Variants in PDGFRL observed in about 807,000 individuals in gnomAD.
PDGFRL encodes the protein platelet-derived growth factor receptor-like protein.
A neutral mutation model predicts 37.2 loss-of-function variants in PDGFRL; 46 were observed. The observed-to-expected ratio is 1.24, with a 90% CI of 0.98 to 1.58. The LOEUF (loss-of-function observed/expected upper bound fraction) is 1.58. Ranked by LOEUF, PDGFRL falls within the 40% of genes most tolerant of loss-of-function variation. The probability of loss-of-function intolerance (pLI) is 0.00; values close to 1 mark genes in which losing one functional copy is unlikely to be tolerated. For synonymous variants in PDGFRL, 251 were observed against 184.3 expected (o/e 1.36, Z -2.93); for missense variants, 692 against 467.6 (o/e 1.48, Z -4.43).
intron 2 of PDGFRL, among the ~76,000 whole-genome samples, chr8:17,616,824 T>C (rs1804539635): frequency 6.6e-6 from 1 of 152,166 alleles, no homozygotes; most frequent in Admixed American, 6.5e-5. Flanking sequence ...TATGTGTGGG[T>C]ATAATACCAA....
rs760716440 is a variant in PDGFRL, at chr8:17,628,667, G to A, written c.686G>A (p.Arg229Gln). ...ACGGACATTGTTTATGACATGAAGC[G>A]GGGCTTTGTGTATCTGCAACCTCAT... ...NGTDIVYDMK[R>Q]GFVYLQPHSE... Residue 229 changes from arginine to glutamine, a missense_variant, in exon 4 of 6, where the codon CGG becomes CAG. Transcript: ENST00000251630. The A allele has an allele frequency of 2.5e-6, 4 of 1,613,920 alleles. No homozygotes were observed. Among genetic ancestry groups the A allele is most frequent in the South Asian group, 2.2e-5 (2 of 91,078 alleles).
chr8:17,640,503 T>C (rs1465157737), intron 5 of PDGFRL, among the ~76,000 whole-genome samples: 1 of 152,174 alleles, frequency 6.6e-6, no homozygotes, highest in Non-Finnish European at 1.5e-5. Flanking sequence ...CCTTCCCCTA[T>C]GTGTGTGGCT....
intron 2 of PDGFRL, among the ~76,000 whole-genome samples, chr8:17,603,332 T>G (rs2588130): frequency 0.17 from 25,888 of 152,184 alleles, 2,243 homozygotes; most frequent in South Asian, 0.24. Flanking sequence ...TGTAAGTGTA[T>G]GTACCCACAC....
chr8:17,642,572 T>G (rs751649998), intron 5 of PDGFRL, 41 bp from the exon 6 acceptor site: 1 of 1,264,178 alleles, frequency 7.9e-7, no homozygotes, highest in South Asian at 1.2e-5. Context: ...TTATAGCAGC[T>G]TGTCCCTCTT....
chr8:17,627,985 CTTTCTTTTTT>C (rs1804767378), intron 3 of PDGFRL, among the ~76,000 whole-genome samples: 1 of 124,012 alleles, frequency 8.1e-6, no homozygotes, highest in Admixed American at 8.3e-5. Flanking sequence ...TGTTTTCTTT[CTTTCTTTTTT>C]TTTTTTTTTT....
At position 17,633,952 on chromosome 8, in the gene PDGFRL, G is replaced by C. The variant is rs956059683; in HGVS notation, c.800-122G>C. 4.1e-6 allele frequency: 4 copies of C among 978,486 alleles called. No homozygotes were observed. The African/African-American group carries it at 6.4e-5, about 16-fold the overall frequency. The allele number at this position is 978,486 out of a possible 1,614,324, so 60.6% of individuals were successfully genotyped here. ...GTGGGCTCACACTGTCCTCGCACTGGTCAGGGAGCTGTGAGAAAGGCAGAA... is the reference window on the plus strand; with the variant it reads ...GTGGGCTCACACTGTCCTCGCACTGCTCAGGGAGCTGTGAGAAAGGCAGAA... On this transcript the variant is annotated intron_variant, in intron 4 of 5. Coordinates refer to ENST00000251630, the MANE Select transcript of PDGFRL (RefSeq NM_001372073.1).
At chr8:17,586,963 C>T (rs565115971) in intron 1 of PDGFRL, among the ~76,000 whole-genome samples, 7 of 152,278 alleles carry the variant, frequency 4.6e-5, no homozygotes, top group African/African-American at 1.2e-4. Flanking sequence ...TGGTAATGGA[C>T]GTTCACTTAT....
chr8:17,638,459 T>G (rs1196764171), intron 5 of PDGFRL, among the ~76,000 whole-genome samples: 1 of 151,968 alleles, frequency 6.6e-6, no homozygotes, highest in African/African-American at 2.4e-5. Context: ...GTTTTGTGGC[T>G]TATGATATGG....
intron 1 of PDGFRL, among the ~76,000 whole-genome samples, chr8:17,584,387 G>C (rs1185609394): frequency 6.6e-6 from 1 of 152,138 alleles, no homozygotes; most frequent in South Asian, 2.1e-4. Flanking sequence ...TTTAGATCTG[G>C]AGTGTAGAGG....
At chr8:17,592,637 T>C (rs1027315587) in intron 2 of PDGFRL, among the ~76,000 whole-genome samples, 1 of 152,186 alleles carries the variant, frequency 6.6e-6, no homozygotes, top group African/African-American at 2.4e-5. Flanking sequence ...GAGTTTGCTC[T>C]TTCATAGCCA....
At chr8:17,638,499 T>C (rs1166640050) in intron 5 of PDGFRL, among the ~76,000 whole-genome samples, 1 of 151,888 alleles carries the variant, frequency 6.6e-6, no homozygotes, top group African/African-American at 2.4e-5. Context: ...CATGTGCTGA[T>C]GAATAGAATG....
At chr8:17,587,963 C>A (rs193112778) in intron 1 of PDGFRL, among the ~76,000 whole-genome samples, 1 of 152,230 alleles carries the variant, frequency 6.6e-6, no homozygotes, top group Admixed American at 6.5e-5. Context: ...TGAGTGGACA[C>A]AACTGTGTGG....
intron 2 of PDGFRL, among the ~76,000 whole-genome samples, chr8:17,615,734 G>T (rs1431998805): frequency 6.6e-6 from 1 of 152,152 alleles, no homozygotes; most frequent in East Asian, 1.9e-4. Context: ...GGGCGACGCA[G>T]CAAGACCCTG....
At chr8:17,585,625 G>C (rs1016934751) in intron 1 of PDGFRL, among the ~76,000 whole-genome samples, 2 of 152,104 alleles carry the variant, frequency 1.3e-5, no homozygotes, top group Admixed American at 1.3e-4. Context: ...TGTATGGTGT[G>C]GTTAACTGAG....
At chr8:17,614,415 G>A (rs1212777007) in intron 2 of PDGFRL, among the ~76,000 whole-genome samples, 2 of 152,048 alleles carry the variant, frequency 1.3e-5, no homozygotes, top group Non-Finnish European at 2.9e-5. Flanking sequence ...GTTCTGAGAC[G>A]GAGACTTACA....
chr8:17,586,125 G>A (rs889502217), intron 1 of PDGFRL, among the ~76,000 whole-genome samples: 1 of 148,764 alleles, frequency 6.7e-6, no homozygotes, highest in Non-Finnish European at 1.5e-5. Context: ...CTACTTTTTT[G>A]TATTTTTTGG....
intron 2 of PDGFRL, among the ~76,000 whole-genome samples, chr8:17,598,975 C>A (rs1035306893): frequency 1.6e-4 from 24 of 152,206 alleles, no homozygotes; most frequent in Admixed American, 1.6e-3. Context: ...CAACTTCTTT[C>A]CTTTATACAT....
intron 1 of PDGFRL, among the ~76,000 whole-genome samples, chr8:17,586,195 C>T (rs1478296706): frequency 6.6e-6 from 1 of 152,158 alleles, no homozygotes; most frequent in Non-Finnish European, 1.5e-5. Context: ...CTCAAGTGAT[C>T]CACCTTCCTT....
At chr8:17,592,189 G>C (rs1803954373) in intron 2 of PDGFRL, among the ~76,000 whole-genome samples, 1 of 152,186 alleles carries the variant, frequency 6.6e-6, no homozygotes, top group South Asian at 2.1e-4. Flanking sequence ...AAAAATAATA[G>C]CTGTTCTTAC....
Sources: allele counts gnomAD v4.1 joint callset (sites outside exome capture counted in the v4.1 genomes callset), GRCh38; gene constraint gnomAD v4.1.1; transcripts MANE v1.5; gene names NCBI Gene and HGNC (gene_info 2026-07-23, HGNC 2026-07-21).